Variants in INSC observed in about 807,000 individuals in gnomAD.
The protein encoded by INSC is protein inscuteable homolog.
A neutral mutation model predicts 58.6 loss-of-function variants in INSC; 67 were observed. The observed-to-expected ratio is 1.14, with a 90% CI of 0.94 to 1.40. The LOEUF is 1.40. Among genes scored for constraint, INSC ranks in the 40% most tolerant of loss-of-function variants. INSC has a pLI of 0.00. For missense variants in INSC, 714 were observed against 692.0 expected (o/e 1.03, Z -0.36); for synonymous variants, 262 against 276.1 (o/e 0.95, Z 0.51).
At chr11:15,118,612 C>CT (rs1847793586) in intron 1 of INSC, among the ~76,000 whole-genome samples, 1 of 152,112 alleles carries the variant, frequency 6.6e-6, no homozygotes, top group Admixed American at 6.5e-5. Flanking sequence ...GTGCTGGTGG[C>CT]TTGGTATGGG....
In INSC at chr11:15,116,921, C is replaced by CTCCTTCCTTCCT. The variant is rs1219518629; in HGVS notation, c.-46+1933_-46+1944dup. Among the ~76,000 whole-genome samples the CTCCTTCCTTCCT allele has an allele frequency of 9.9e-3, 203 of 20,444 alleles. 11 individuals are homozygous for CTCCTTCCTTCCT. The highest frequency in any genetic ancestry group is 0.036 in the Middle Eastern group (1 of 28). The allele number at this position is 20,444 out of a possible 152,430, so 13.4% of individuals were successfully genotyped here. On this transcript the variant is annotated intron_variant, in intron 1 of 12. Coordinates refer to ENST00000379556, the MANE Select transcript of INSC (RefSeq NM_001042536.3). The stretch of plus-strand genomic sequence containing the variant: ...CCTCCCTCCCTCCCTCCCTCCCTCC[C>CTCCTTCCTTCCT]TCCTTCCTTCCTTCCTTCCTTCCTT...
At chr11:15,112,448 C>T (rs371575770), upstream of INSC, 65 of 1,577,232 alleles carry the variant, frequency 4.1e-5, no homozygotes, top group South Asian at 4.8e-4. Context: ...GACTTGGAGT[C>T]GCTGCAGCCA....
chr11:15,229,926 T>A (rs1381198954), intron 9 of INSC, among the ~76,000 whole-genome samples: 3 of 62,340 alleles, frequency 4.8e-5, no homozygotes, highest in Admixed American at 6.1e-4. Context: ...ATAAATTTTT[T>A]ATATATTATA....
chr11:15,200,911 A>C lies in INSC; in HGVS notation c.781A>C (p.Ile261Leu), dbSNP rs200555865. The C allele has an allele frequency of 4.7e-5, 76 of 1,613,036 alleles. No homozygotes were observed. The African/African-American group carries it at 8.9e-4, about 19-fold the overall frequency. Reference protein sequence around the residue: ...YPQALRTLASICCVEEGVHQL... With the variant: ...YPQALRTLASLCCVEEGVHQL... ...CCAGGCGCTCCGCACGCTGGCCTCC[A>C]TCTGCTGCGTGGAAGAGGGTGTCCA... Residue 261 changes from isoleucine to leucine, a missense_variant, in exon 7 of 13, where the codon ATC becomes CTC. Transcript: ENST00000379556.
At chr11:15,165,098 G>C (rs548535486) in intron 2 of INSC, among the ~76,000 whole-genome samples, 1 of 152,240 alleles carries the variant, frequency 6.6e-6, no homozygotes, top group Non-Finnish European at 1.5e-5. Flanking sequence ...CCACTTGCTG[G>C]TATTTCGAAG....
At chr11:15,135,118 T>C (rs1215674562) in intron 1 of INSC, among the ~76,000 whole-genome samples, 1 of 152,014 alleles carries the variant, frequency 6.6e-6, no homozygotes, top group Non-Finnish European at 1.5e-5. Flanking sequence ...GAAAAGAGAA[T>C]TGAGGGATTT....
chr11:15,131,689 C>T (rs1458591458), intron 1 of INSC, among the ~76,000 whole-genome samples: 1 of 151,988 alleles, frequency 6.6e-6, no homozygotes, highest in Non-Finnish European at 1.5e-5. Context: ...ATGGGCTGAA[C>T]TTTTAATTTT....
At position 15,190,698 on chromosome 11, in the gene INSC, T is replaced by G. The variant is rs747178614; in HGVS notation, c.580-3T>G. 3 of 1,607,292 alleles carry G rather than the reference T, an allele frequency of 1.9e-6. No homozygotes were observed. The East Asian group carries it at 6.7e-5, about 36-fold the overall frequency. ...ACTAGCTAACTTTTCTCTCTCTTCT[T>G]AGGCACTGGTGAGAAAAATTGATGC... On this transcript the variant is annotated splice_region_variant and splice_polypyrimidine_tract_variant and intron_variant, in intron 5 of 12. Transcript: ENST00000379556.
chr11:15,189,430 C>T (rs942603640), intron 5 of INSC, among the ~76,000 whole-genome samples: 1 of 151,308 alleles, frequency 6.6e-6, no homozygotes, highest in Non-Finnish European at 1.5e-5. Flanking sequence ...GGGAGTCTTT[C>T]TATGTTGCCC....
intron 5 of INSC, chr11:15,188,176 T>C: frequency 2.0e-6 from 2 of 985,408 alleles, no homozygotes; most frequent in Non-Finnish European, 2.4e-6. Flanking sequence ...AGAGGGGCAT[T>C]TGCAAGGCCC....
At chr11:15,129,447 T>C (rs910644057) in intron 1 of INSC, among the ~76,000 whole-genome samples, 2 of 152,254 alleles carry the variant, frequency 1.3e-5, no homozygotes, top group Non-Finnish European at 2.9e-5. Context: ...TTGATTGGAA[T>C]TGGACTGAAT....
chr11:15,262,655 A>ACACAC, the INSC span, among the ~76,000 whole-genome samples: 1 of 146,680 alleles, frequency 6.8e-6, no homozygotes, highest in Non-Finnish European at 1.5e-5. Flanking sequence ...CTGGGTGATA[A>ACACAC]ACACACACAC....
intron 8 of INSC, 63 bp downstream of exon 8, chr11:15,221,711 A>G: frequency 1.3e-6 from 2 of 1,483,272 alleles, no homozygotes; most frequent in African/African-American, 2.8e-5. Flanking sequence ...GTCTTCAGAA[A>G]TAGCCAGGAA....
At chr11:15,237,591 T>G (rs1852178902) in intron 10 of INSC, among the ~76,000 whole-genome samples, 1 of 152,156 alleles carries the variant, frequency 6.6e-6, no homozygotes, top group Non-Finnish European at 1.5e-5. Context: ...TCAACAATGG[T>G]GTCAATGCAA....
upstream of INSC, among the ~76,000 whole-genome samples, chr11:15,112,848 G>A (rs1038059893): frequency 6.6e-6 from 1 of 152,116 alleles, no homozygotes; most frequent in African/African-American, 2.4e-5. Context: ...TTTTCCAGGT[G>A]CTTTACATCC....
At chr11:15,240,661 G>A in intron 12 of INSC, 138 bp downstream of exon 12, 1 of 672,814 alleles carries the variant, frequency 1.5e-6, no homozygotes, top group Non-Finnish European at 2.7e-6. Context: ...CTTTAGGATT[G>A]TGAACATTGT....
chr11:15,241,115 G>A (rs1852333446), intron 12 of INSC, among the ~76,000 whole-genome samples: 1 of 152,134 alleles, frequency 6.6e-6, no homozygotes, highest in Non-Finnish European at 1.5e-5. Flanking sequence ...GGTCCACCAT[G>A]AAATAATCAA....
chr11:15,253,837 C>T, the INSC span, among the ~76,000 whole-genome samples: 4 of 152,104 alleles, frequency 2.6e-5, no homozygotes, highest in Admixed American at 6.6e-5. Flanking sequence ...GAGACCCTCT[C>T]AAAGTCCAAC....
intron 6 of INSC, among the ~76,000 whole-genome samples, chr11:15,192,633 G>C (rs1401565074): frequency 8.5e-5 from 13 of 152,194 alleles, no homozygotes; most frequent in Admixed American, 5.9e-4. Flanking sequence ...AAATCTCTGA[G>C]AGTTGGGAGG....
Sources: allele counts gnomAD v4.1 joint callset (sites outside exome capture counted in the v4.1 genomes callset), GRCh38; gene constraint gnomAD v4.1.1; transcripts MANE v1.5; gene names NCBI Gene and HGNC (gene_info 2026-07-23, HGNC 2026-07-21).